The following CDKN3 variants were observed in gnomAD, a reference collection of about 807,000 sequenced individuals.
CDKN3 encodes the protein cyclin-dependent kinase inhibitor 3.
CDKN3 carries 19 observed loss-of-function variants against 36.1 expected under a neutral mutation model. That is an observed-to-expected ratio of 0.53 (90% CI 0.37 to 0.77). The LOEUF is 0.77. CDKN3 is among the 30% of genes least tolerant of loss of function. The probability of loss-of-function intolerance (pLI) is 0.00; values close to 1 mark genes in which losing one functional copy is unlikely to be tolerated. For synonymous variants in CDKN3, 71 were observed against 85.3 expected, an observed-to-expected ratio of 0.83 and a Z score of 0.92; for missense variants, 188 against 248.6, an observed-to-expected ratio of 0.76 and a Z score of 1.64.
intron 4 of CDKN3, 59 bp downstream of exon 4, chr14:54,408,848 ACT>A (rs2030254972): frequency 1.4e-6 from 2 of 1,479,004 alleles, no homozygotes; most frequent in Non-Finnish European, 1.8e-6. Context: ...GCATTGAAAA[ACT>A]CTCTGTCAAA....
intron 4 of CDKN3, chr14:54,411,206 G>A (rs2030340827): frequency 2.9e-6 from 1 of 342,112 alleles, no homozygotes; most frequent in Non-Finnish European, 5.3e-6. Flanking sequence ...AAGAGGGGGG[G>A]TTATTTTAAA....
chr14:54,399,330 A>G (rs1328249713), intron 1 of CDKN3, among the ~76,000 whole-genome samples: 3 of 152,148 alleles, frequency 2.0e-5, no homozygotes, highest in Non-Finnish European at 4.4e-5. Context: ...AAACCCAGCT[A>G]AAGCGTTTCC....
intron 4 of CDKN3, among the ~76,000 whole-genome samples, chr14:54,409,612 C>T (rs545974426): frequency 7.9e-5 from 12 of 152,132 alleles, no homozygotes; most frequent in African/African-American, 2.6e-4. Flanking sequence ...GCGGGTTGAT[C>T]GCTTGAGCTC....
chr14:54,403,750 G>A (rs2139970805), intron 3 of CDKN3, among the ~76,000 whole-genome samples: 1 of 152,278 alleles, frequency 6.6e-6, no homozygotes, highest in South Asian at 2.1e-4. Context: ...TTAGCATGAA[G>A]GGGTGTTGAA....
At chr14:54,415,992 C>A in intron 6 of CDKN3, 62 bp downstream of exon 6, 1 of 1,186,896 alleles carries the variant, frequency 8.4e-7, no homozygotes, top group Non-Finnish European at 1.3e-6. Context: ...GTTTCCAGAC[C>A]ATATGTTCAT....
chr14:54,413,004 G>A (rs1405642372), intron 5 of CDKN3: 2 of 412,916 alleles, frequency 4.8e-6, no homozygotes, highest in Admixed American at 5.7e-5. Flanking sequence ...TAGCCCAGGG[G>A]CCTCATGCCA....
At chr14:54,406,054 A>G (rs1481041766) in intron 3 of CDKN3, among the ~76,000 whole-genome samples, 1 of 152,218 alleles carries the variant, frequency 6.6e-6, no homozygotes, top group Non-Finnish European at 1.5e-5. Context: ...ATCCCTCAGC[A>G]TGTGCTTGTC....
chr14:54,397,135 G>T (rs1032287092), intron 1 of CDKN3, 58 bp downstream of exon 1: 3 of 1,427,718 alleles, frequency 2.1e-6, no homozygotes, highest in South Asian at 2.9e-5. Context: ...AAGCGGTCCC[G>T]GGGACCCGAT....
intron 3 of CDKN3, among the ~76,000 whole-genome samples, chr14:54,407,010 T>G (rs2030182157): frequency 6.6e-6 from 1 of 152,192 alleles, no homozygotes; most frequent in African/African-American, 2.4e-5. Context: ...GTTGGTGACT[T>G]TTGAATGGGG....
chr14:54,419,720 TAA>T (rs2030665311), intron 7 of CDKN3, among the ~76,000 whole-genome samples: 1 of 152,222 alleles, frequency 6.6e-6, no homozygotes, highest in East Asian at 1.9e-4. Context: ...GTCCTGTAAG[TAA>T]AGAGAGAAAG....
chr14:54,413,827 T>G (rs1384175085), intron 5 of CDKN3: 3 of 1,404,308 alleles, frequency 2.1e-6, no homozygotes, highest in Non-Finnish European at 2.8e-6. Flanking sequence ...CTACTGTATT[T>G]TGTAGTTTCT....
At chr14:54,409,598 C>T (rs1474471361) in intron 4 of CDKN3, among the ~76,000 whole-genome samples, 7 of 151,906 alleles carry the variant, frequency 4.6e-5, no homozygotes, top group African/African-American at 1.7e-4. Flanking sequence ...TTTGGTAGGC[C>T]GAGGCGGGTT....
chr14:54,412,445 G>A (rs2030392114), intron 5 of CDKN3, among the ~76,000 whole-genome samples: 1 of 152,016 alleles, frequency 6.6e-6, no homozygotes, highest in African/African-American at 2.4e-5. Context: ...TTACCTCTAA[G>A]CAATAAGCAA....
intron 7 of CDKN3, among the ~76,000 whole-genome samples, chr14:54,419,403 T>C (rs926662092): frequency 7.2e-5 from 11 of 152,200 alleles, no homozygotes; most frequent in Admixed American, 2.6e-4. Flanking sequence ...TGAAATGAGA[T>C]GATTGGCAGA....
Position 54,413,735 on chromosome 14 carries a change from C to T in CDKN3, c.416+2029C>T. 4 of 1,526,472 alleles carry T rather than the reference C, an allele frequency of 2.6e-6. No homozygotes were observed. The East Asian group carries it at 9.8e-5, about 37-fold the overall frequency. 94.6% of individuals were successfully genotyped at this position (1,526,472 alleles called of 1,614,324 possible). ...GGATCTGGTAAACCTTTTTCACTGA[C>T]CTGTTGTCTACCAGTGCTGTCTCAC... On this transcript the variant is annotated intron_variant, in intron 5 of 7. Coordinates refer to ENST00000335183, the MANE Select transcript of CDKN3 (RefSeq NM_005192.4).
At chr14:54,417,004 G>T (rs565832976) in intron 6 of CDKN3, among the ~76,000 whole-genome samples, 15 of 152,244 alleles carry the variant, frequency 9.9e-5, no homozygotes, top group Non-Finnish European at 2.1e-4. Context: ...ATTAGGAAGG[G>T]TATTATAAAA....
intron 5 of CDKN3, among the ~76,000 whole-genome samples, 190 bp from the exon 6 acceptor site, chr14:54,415,709 A>T (rs2030513850): frequency 6.6e-6 from 1 of 152,228 alleles, no homozygotes; most frequent in African/African-American, 2.4e-5. Flanking sequence ...GGTGTTCAGA[A>T]TTCCTCCCAA....
rs2030246737 is a variant in CDKN3 at position 54,408,672 on chromosome 14, T to C, written c.149-73T>C. On this transcript the variant is annotated intron_variant, in intron 3 of 7. Transcript: ENST00000335183. ...GTGAAATGACTTTATAAAGTAGCTATATAAGTGTTTAAACATACCTGTTAC... is the reference window on the plus strand; with the variant it reads ...GTGAAATGACTTTATAAAGTAGCTACATAAGTGTTTAAACATACCTGTTAC... The C allele has an allele frequency of 2.1e-6, 3 of 1,449,488 alleles. No homozygotes were observed. The South Asian group carries it at 4.0e-5, about 19-fold the overall frequency. The allele number at this position is 1,449,488 out of a possible 1,614,324, so 89.8% of individuals were successfully genotyped here. A position where few individuals can be genotyped will look rare whatever the true frequency, so the allele number is the denominator to read the frequency against.
Position 54,418,009 on chromosome 14 carries a change from AT to A in CDKN3, c.552+60del, listed in dbSNP as rs1374567962. 15 of 933,540 alleles carry A rather than the reference AT, an allele frequency of 1.6e-5. No individual in the cohort carries two copies. The East Asian group carries it at 3.9e-4, about 24-fold the overall frequency. The allele number at this position is 933,540 out of a possible 1,614,324, so 57.8% of individuals were successfully genotyped here. Reference sequence around the variant, plus strand: ...GTTGGGGTCGTTGTTACAAATACAGATTCATGTGTAACCAAAAGGTTACATA... The same window carrying A: ...GTTGGGGTCGTTGTTACAAATACAGATCATGTGTAACCAAAAGGTTACATA... On this transcript the variant is annotated intron_variant, in intron 7 of 7. Coordinates refer to ENST00000335183, the MANE Select transcript of CDKN3 (RefSeq NM_005192.4).
Sources: gnomAD v4.1 joint callset for allele counts (sites outside exome capture counted in the v4.1 genomes callset) on GRCh38, gnomAD v4.1.1 for gene constraint, MANE v1.5 for transcripts, NCBI Gene and HGNC (gene_info 2026-07-23, HGNC 2026-07-21) for gene names.